NBEA: variants seen among roughly 807,000 people sequenced by gnomAD.
NBEA encodes the protein lysosomal-trafficking regulator 2.
In NBEA, 44 loss-of-function variants were observed where a neutral mutation model predicts 343.4. The observed-to-expected ratio is 0.13, with a 90% CI of 0.10 to 0.16. The LOEUF (loss-of-function observed/expected upper bound fraction) is 0.16, where lower values mean the gene tolerates loss of function less well. Ranked by LOEUF, NBEA falls within the 10% of genes least tolerant of loss-of-function variation. The pLI is 1.00. For missense variants in NBEA, 2,555 were observed against 3,631.3 expected (o/e 0.70, Z 7.62); for synonymous variants, 1,175 against 1,238.7 (o/e 0.95, Z 1.08).
At chr13:35,013,095 T>A (rs567575695) in intron 1 of NBEA, among the ~76,000 whole-genome samples, 5 of 152,186 alleles carry the variant, frequency 3.3e-5, no homozygotes, top group Non-Finnish European at 7.3e-5. Context: ...TACTTACAAA[T>A]ATACTGACAT....
intron 35 of NBEA, among the ~76,000 whole-genome samples, chr13:35,306,047 A>C (rs558895769): frequency 6.6e-6 from 1 of 152,216 alleles, no homozygotes; most frequent in Admixed American, 6.5e-5. Flanking sequence ...TGATGTCTAC[A>C]TACATCAGGA....
chr13:35,168,957 T>G, intron 24 of NBEA, 30 bp from the exon 25 acceptor site: 1 of 1,393,854 alleles, frequency 7.2e-7, no homozygotes, highest in Non-Finnish European at 9.4e-7. Context: ...CTTTTTGGTC[T>G]GTTGTCTGTT....
chr13:35,406,663 T>C lies in NBEA; in HGVS notation c.6180-25606T>C, dbSNP rs778038248. On this transcript the variant is annotated intron_variant, in intron 38 of 58. Coordinates refer to ENST00000379939, the MANE Select transcript of NBEA (RefSeq NM_001385012.1). ...ATCACACCTGGTGACCTTTAAGAAATTGAACCATCACAAGAAATCAGTTGG... is the reference window on the plus strand; with the variant it reads ...ATCACACCTGGTGACCTTTAAGAAACTGAACCATCACAAGAAATCAGTTGG... Among the ~76,000 whole-genome samples the C allele has an allele frequency of 2.0e-5, 3 of 152,154 alleles. No individual in the cohort carries two copies. The South Asian group carries it at 6.2e-4, about 31-fold the overall frequency.
At chr13:35,443,171 T>C (rs1230922383) in intron 39 of NBEA, among the ~76,000 whole-genome samples, 1 of 152,200 alleles carries the variant, frequency 6.6e-6, no homozygotes, top group East Asian at 1.9e-4. Flanking sequence ...CTGAACTGTT[T>C]TCCCCCAGCT....
chr13:35,368,136 TTA>T (rs1157587516), intron 38 of NBEA, among the ~76,000 whole-genome samples: 5 of 151,600 alleles, frequency 3.3e-5, no homozygotes, highest in Non-Finnish European at 4.4e-5. Context: ...CTACTTTAGT[TTA>T]AAGTAAAATA....
intron 1 of NBEA, among the ~76,000 whole-genome samples, chr13:34,980,864 A>G (rs929047748): frequency 6.6e-6 from 1 of 152,056 alleles, no homozygotes; most frequent in Non-Finnish European, 1.5e-5. Context: ...AAGTGCCCCT[A>G]TGTATTTCTC....
intron 38 of NBEA, among the ~76,000 whole-genome samples, chr13:35,385,931 T>G (rs1337058730): frequency 6.6e-6 from 1 of 152,118 alleles, no homozygotes; most frequent in African/African-American, 2.4e-5. Context: ...TCCCATCCAT[T>G]TTCTTGTAAT....
At chr13:35,438,037 C>T (rs972859468) in intron 39 of NBEA, among the ~76,000 whole-genome samples, 1 of 151,948 alleles carries the variant, frequency 6.6e-6, no homozygotes, top group Non-Finnish European at 1.5e-5. Context: ...CAAGCACCTC[C>T]ATGTCTGTGA....
intron 11 of NBEA, among the ~76,000 whole-genome samples, chr13:35,105,995 C>A (rs1372971571): frequency 1.3e-5 from 2 of 151,972 alleles, no homozygotes; most frequent in Non-Finnish European, 2.9e-5. Context: ...TCTTTGTAAC[C>A]TCTAGTGCTC....
chr13:35,265,635 G>C lies in NBEA; in HGVS notation c.5777-24754G>C, dbSNP rs541155438. Reference sequence around the variant, plus strand: ...GTAGGGAGACTCTTCAATAAATAGTGTTGGGAAAATTGGCTATCCATGTTT... The same window carrying C: ...GTAGGGAGACTCTTCAATAAATAGTCTTGGGAAAATTGGCTATCCATGTTT... On this transcript the variant is annotated intron_variant, in intron 34 of 58. Transcript: ENST00000379939. Among the ~76,000 whole-genome samples the C allele has an allele frequency of 5.1e-4, 77 of 151,958 alleles. No homozygotes were observed. In the Middle Eastern group the frequency reaches 0.01, roughly 20 times the overall value.
rs1261421614 is a variant in NBEA, at chr13:35,142,297, A to G, written c.2365A>G (p.Ser789Gly). The G allele has an allele frequency of 6.2e-7, 1 of 1,613,260 alleles. No homozygotes were observed. The highest frequency in any genetic ancestry group is 1.7e-5 in the Admixed American group (1 of 60,014). ...AAAAGTTGAAATTATGCACACCCATAGTCTTTTCACTCTTCTTGGAGAAAG... is the reference window on the plus strand; with the variant it reads ...AAAAGTTGAAATTATGCACACCCATGGTCTTTTCACTCTTCTTGGAGAAAG... ...KRKVEIMHTH[S>G]LFTLLGERLM... Residue 789 changes from serine to glycine, a missense_variant, in exon 18 of 59, where the codon AGT becomes GGT. By Grantham distance (56) the Ser-to-Gly change is moderately conservative. Coordinates refer to ENST00000379939, the MANE Select transcript of NBEA (RefSeq NM_001385012.1).
chr13:34,943,123 A>G lies in NBEA; in HGVS notation c.294+9A>G, dbSNP rs1593243176. 5 of 1,612,850 alleles carry G rather than the reference A, an allele frequency of 3.1e-6. No homozygotes were observed. In the East Asian group the frequency reaches 8.9e-5, roughly 29 times the overall value. On this transcript the variant is annotated intron_variant, in intron 1 of 58. Transcript: ENST00000379939. ...AGACGGTGCTCAACCTGGTAAGGAA[A>G]AGGCGTGCTCTCAATCTGCTTCCCC...
At chr13:35,497,144 T>C (rs1223466415) in intron 41 of NBEA, among the ~76,000 whole-genome samples, 1 of 152,046 alleles carries the variant, frequency 6.6e-6, no homozygotes, top group East Asian at 1.9e-4. Context: ...TCACCTCCAA[T>C]AGGTTATCTC....
chr13:35,269,473 C>T (rs1446567140), intron 34 of NBEA, among the ~76,000 whole-genome samples: 1 of 152,086 alleles, frequency 6.6e-6, no homozygotes, highest in Non-Finnish European at 1.5e-5. Flanking sequence ...GATGCATATT[C>T]CCTCTTACTA....
At chr13:35,031,932 C>T (rs536047668) in intron 1 of NBEA, among the ~76,000 whole-genome samples, 15 of 151,530 alleles carry the variant, frequency 9.9e-5, no homozygotes, top group East Asian at 1.9e-4. Flanking sequence ...AGTTTGCTAA[C>T]GATAATTAGC....
Position 35,550,552 on chromosome 13 carries a change from C to T in NBEA, c.6661C>T (p.Leu2221Phe), listed in dbSNP as rs377131493. 6 of 1,613,104 alleles carry T rather than the reference C, an allele frequency of 3.7e-6. No individual in the cohort carries two copies. In the African/African-American group the frequency reaches 5.3e-5, roughly 14 times the overall value. ...EIRAVFSRRY[L>F]LQNTALEVFM... is the part of the protein sequence containing the mutation. ...ACGAGCTGTATTTTCAAGACGTTACCTTCTACAAAACACTGCTTTGGAAGT... is the reference window on the plus strand; with the variant it reads ...ACGAGCTGTATTTTCAAGACGTTACTTTCTACAAAACACTGCTTTGGAAGT... The change falls in exon 42 of 59, where the codon CTT becomes TTT. Residue 2221 changes from leucine (L) to phenylalanine (F), a missense_variant. Physicochemically the swap from Leu to Phe is conservative, Grantham distance 22. This residue lies in a region of NBEA where 246 missense variants were observed against 313.7 expected (regional missense o/e 0.78). Transcript: ENST00000379939.
chr13:35,589,375 A>G (rs2153041717), intron 46 of NBEA, among the ~76,000 whole-genome samples: 1 of 152,268 alleles, frequency 6.6e-6, no homozygotes, highest in South Asian at 2.1e-4. Context: ...CAGTTAACTT[A>G]GATAATACAG....
intron 17 of NBEA, among the ~76,000 whole-genome samples, chr13:35,127,750 G>GA (rs1236785838): frequency 2.0e-5 from 3 of 152,020 alleles, no homozygotes; most frequent in African/African-American, 7.2e-5. Flanking sequence ...CAGTTAAAAA[G>GA]ATAAGCAGTT....
intron 34 of NBEA, among the ~76,000 whole-genome samples, chr13:35,233,946 T>G (rs2075100621): frequency 6.6e-6 from 1 of 152,116 alleles, no homozygotes; most frequent in South Asian, 2.1e-4. Flanking sequence ...AGCAAAACCT[T>G]ACATAATAAG....
Sources: allele counts gnomAD v4.1 joint callset (sites outside exome capture counted in the v4.1 genomes callset), GRCh38; gene constraint gnomAD v4.1.1; regional missense constraint gnomAD v4.1.1; transcripts MANE v1.5; gene names NCBI Gene and HGNC (gene_info 2026-07-23, HGNC 2026-07-21).